MID1: variants seen among roughly 807,000 people sequenced by gnomAD.
MID1 encodes midline 1.
A neutral mutation model predicts 40.4 loss-of-function variants in MID1; 7 were observed. The observed-to-expected ratio is 0.17, with a 90% confidence interval of 0.10 to 0.33. The LOEUF is 0.33. Ranked by LOEUF, MID1 falls within the 10% of genes least tolerant of loss-of-function variation. MID1 has a pLI of 1.00. For missense variants in MID1, 367 were observed against 558.5 expected, an observed-to-expected ratio of 0.66 and a Z score of 3.46; for synonymous variants, 229 against 221.2, an observed-to-expected ratio of 1.04 and a Z score of -0.31.
intron 1 of MID1, among the ~76,000 whole-genome samples, chrX:10,730,095 AAT>A (rs2043433368): frequency 9.2e-6 from 1 of 108,343 alleles, no homozygotes; most frequent in African/African-American, 3.4e-5. Context: ...AAAAAAAAAA[AAT>A]AAATAAATGA....
intron 1 of MID1, among the ~76,000 whole-genome samples, chrX:10,670,214 C>T (rs943746628): frequency 1.8e-5 from 2 of 112,245 alleles, no homozygotes; most frequent in Non-Finnish European, 3.8e-5. Flanking sequence ...CTTTCTGTTA[C>T]ACAAATTAAA....
At chrX:10,798,279 A>G (rs772270160) in intron 1 of MID1, among the ~76,000 whole-genome samples, 70 of 112,151 alleles carry the variant, frequency 6.2e-4, no homozygotes, top group African/African-American at 2.2e-3. Flanking sequence ...ATTGCATTAA[A>G]ACATCTTTTG....
intron 1 of MID1, among the ~76,000 whole-genome samples, chrX:10,705,061 C>T (rs143440142): frequency 0.019 from 2,091 of 110,707 alleles, 25 homozygotes; most frequent in Middle Eastern, 0.052. Context: ...CACACCCAGC[C>T]GAGACAACAA....
chrX:10,609,993 C>T (rs1403381195), intron 1 of MID1, among the ~76,000 whole-genome samples: 1 of 112,063 alleles, frequency 8.9e-6, no homozygotes, highest in Non-Finnish European at 1.9e-5. Flanking sequence ...GCTGGGATTA[C>T]AGGCGTGAGC....
intron 1 of MID1, among the ~76,000 whole-genome samples, chrX:10,727,368 C>T (rs1379900152): frequency 4.4e-5 from 5 of 112,701 alleles, no homozygotes; most frequent in African/African-American, 1.6e-4. Flanking sequence ...ATCCTCCCGC[C>T]TCAGCCTCCC....
chrX:10,594,895 C>T (rs1377586747), intron 1 of MID1, among the ~76,000 whole-genome samples: 1 of 111,380 alleles, frequency 9.0e-6, no homozygotes, highest in Non-Finnish European at 1.9e-5. Flanking sequence ...ATAAAGAATG[C>T]ATCAATATTC....
At chrX:10,597,504 C>T (rs1312017391) in intron 1 of MID1, among the ~76,000 whole-genome samples, 1 of 111,065 alleles carries the variant, frequency 9.0e-6, no homozygotes, top group Non-Finnish European at 1.9e-5. Context: ...AATATTGCCC[C>T]CAAGAGCGAG....
chrX:10,700,768 G>C (rs1171132132), intron 1 of MID1, among the ~76,000 whole-genome samples: 1 of 111,511 alleles, frequency 9.0e-6, no homozygotes, highest in African/African-American at 3.3e-5. Context: ...TGACTGTTTG[G>C]AAAAAAGACC....
intron 1 of MID1, among the ~76,000 whole-genome samples, chrX:10,585,819 T>C (rs1273743471): frequency 8.9e-6 from 1 of 111,825 alleles, no homozygotes; most frequent in Non-Finnish European, 1.9e-5. Context: ...AATGTACTTA[T>C]TTTCTGCCAT....
intron 1 of MID1, among the ~76,000 whole-genome samples, chrX:10,571,442 A>T (rs753062151): frequency 1.8e-5 from 2 of 109,731 alleles, no homozygotes; most frequent in East Asian, 5.6e-4. Flanking sequence ...TTTATTTTCT[A>T]GCTTTCTTTA....
chrX:10,646,392 G>C (rs1462070283), intron 1 of MID1, among the ~76,000 whole-genome samples: 2 of 111,217 alleles, frequency 1.8e-5, no homozygotes, highest in Non-Finnish European at 3.8e-5. Context: ...ATAGTCCCAG[G>C]GTATATTTGG....
chrX:10,650,251 C>T (rs1159378759), intron 1 of MID1, among the ~76,000 whole-genome samples: 1 of 110,625 alleles, frequency 9.0e-6, no homozygotes, highest in Admixed American at 9.7e-5. Context: ...ATGAGTATTT[C>T]GAATTAAAGG....
At chrX:10,463,061 A>C in intron 7 of MID1, among the ~76,000 whole-genome samples, 1 of 112,457 alleles carries the variant, frequency 8.9e-6, no homozygotes, top group South Asian at 3.7e-4. Flanking sequence ...CCAATTTAAG[A>C]CTTAAAATGA....
chrX:10,608,948 ATTG>A (rs1323112095), intron 1 of MID1, among the ~76,000 whole-genome samples: 1 of 112,175 alleles, frequency 8.9e-6, no homozygotes, highest in East Asian at 2.8e-4. Context: ...AAAGAGTTTA[ATTG>A]TTGTAAAGAA....
At chrX:10,459,078 T>C (rs192194454) in intron 8 of MID1, among the ~76,000 whole-genome samples, 1 of 111,196 alleles carries the variant, frequency 9.0e-6, no homozygotes, top group Admixed American at 9.5e-5. Flanking sequence ...TTGGGGATGT[T>C]TCCCATCATC....
intron 1 of MID1, among the ~76,000 whole-genome samples, chrX:10,700,351 A>C (rs1211681221): frequency 9.0e-6 from 1 of 110,875 alleles, no homozygotes; most frequent in African/African-American, 3.3e-5. Flanking sequence ...CAGGAGTTCA[A>C]GACCAGCTTA....
intron 1 of MID1, among the ~76,000 whole-genome samples, chrX:10,606,046 T>TA (rs1215056366): frequency 1.8e-5 from 2 of 111,889 alleles, no homozygotes; most frequent in African/African-American, 6.5e-5. Context: ...TGATAACTAC[T>TA]ATCCAAATCT....
intron 2 of MID1, among the ~76,000 whole-genome samples, chrX:10,547,207 C>T (rs1001642084): frequency 2.7e-5 from 3 of 110,828 alleles, no homozygotes; most frequent in African/African-American, 6.6e-5. Context: ...CCGGGGAGGT[C>T]GAGGCTGCAG....
chrX:10,758,406 G>A (rs1037323106), intron 1 of MID1, among the ~76,000 whole-genome samples: 3 of 103,714 alleles, frequency 2.9e-5, no homozygotes, highest in Admixed American at 1.0e-4. Flanking sequence ...CTGACAAAGA[G>A]TTTTTTCAGG....
Sources: allele counts gnomAD v4.1 joint callset (sites outside exome capture counted in the v4.1 genomes callset), GRCh38; gene constraint gnomAD v4.1.1; transcripts MANE v1.5; gene names NCBI Gene and HGNC (gene_info 2026-07-23, HGNC 2026-07-21).